The following ZZZ3 variants were observed in gnomAD, a reference collection of about 807,000 sequenced individuals.
The protein encoded by ZZZ3 is ZZ-type zinc finger-containing protein 3.
Under a neutral mutation model 95.2 loss-of-function variants are expected in ZZZ3, and 22 were observed. The ratio of observed to expected loss-of-function variants is 0.23; its 90% CI spans 0.17 to 0.33. The LOEUF (loss-of-function observed/expected upper bound fraction) is 0.33. Among genes scored for constraint, ZZZ3 ranks in the 10% least tolerant of loss-of-function variants. ZZZ3 has a pLI of 1.00. For missense variants in ZZZ3, 885 were observed against 1,066.5 expected, an observed-to-expected ratio of 0.83 and a Z score of 2.37; for synonymous variants, 335 against 358.9, an observed-to-expected ratio of 0.93 and a Z score of 0.75.
chr1:77,661,053 C>T (rs1173789114), intron 1 of ZZZ3, among the ~76,000 whole-genome samples: 1 of 140,064 alleles, frequency 7.1e-6, no homozygotes, highest in African/African-American at 2.8e-5. Context: ...ATTGCTTTAA[C>T]GCAAAAAAAA....
chr1:77,651,145 AG>A (rs1335190611), intron 1 of ZZZ3, among the ~76,000 whole-genome samples: 4 of 152,166 alleles, frequency 2.6e-5, no homozygotes, highest in African/African-American at 9.7e-5. Flanking sequence ...GCACTTTAGG[AG>A]GCTGAGGGAG....
rs753536637 is a variant in ZZZ3, at chr1:77,651,246, G to A, written c.-402-9591C>T. 1.3e-4 allele frequency among the ~76,000 whole-genome samples: 20 copies of A among 152,168 alleles called. 1 individual carries two copies. Among genetic ancestry groups the A allele is most frequent in the Middle Eastern group, 3.4e-3 (1 of 294 alleles). Reference sequence around the variant, plus strand: ...AAAAAATAAACAACATTAGTTGGGCGTAGTGGTGTGTGCCTGTGATCCCAG... The same window carrying A: ...AAAAAATAAACAACATTAGTTGGGCATAGTGGTGTGTGCCTGTGATCCCAG... On this transcript the variant is annotated intron_variant, in intron 1 of 14. Transcript: ENST00000370801.
intron 8 of ZZZ3, among the ~76,000 whole-genome samples, 196 bp downstream of exon 8, chr1:77,581,580 T>G (rs1404795793): frequency 6.6e-6 from 1 of 152,206 alleles, no homozygotes; most frequent in Non-Finnish European, 1.5e-5. Flanking sequence ...CTTAGAGACT[T>G]CAACGTAAAT....
At chr1:77,683,101 GCCGTCGC>G (rs1672958141), upstream of ZZZ3, among the ~76,000 whole-genome samples, 1 of 5,564 alleles carries the variant, frequency 1.8e-4, no homozygotes, top group African/African-American at 1.1e-3. Context: ...CGCCGTCGCA[GCCGTCGC>G]AGCCGTCGCA....
In ZZZ3 at chr1:77,671,270, C is replaced by T. The variant is rs543353349; in HGVS notation, c.-403+11315G>A. On this transcript the variant is annotated intron_variant, in intron 1 of 14. Transcript: ENST00000370801. ...CCTATTCCCAAATAAACATTATTTT[C>T]TTTTAGAAAGCCTGTTATTTAGGTA... Among the ~76,000 whole-genome samples, 43 of 152,210 alleles carry T rather than the reference C, an allele frequency of 2.8e-4. No homozygotes were observed. The Middle Eastern group carries it at 0.01, about 36-fold the overall frequency.
chr1:77,630,545 C>A (rs1016839730), intron 5 of ZZZ3, among the ~76,000 whole-genome samples: 2 of 152,016 alleles, frequency 1.3e-5, no homozygotes, highest in Non-Finnish European at 2.9e-5. Flanking sequence ...CAGAACTCAA[C>A]TTATTTCTAA....
intron 13 of ZZZ3, among the ~76,000 whole-genome samples, chr1:77,566,609 G>A (rs1021299807): frequency 2.6e-5 from 4 of 152,188 alleles, no homozygotes; most frequent in African/African-American, 9.7e-5. Context: ...TGCCACAGCT[G>A]CCTCCTGTAG....
chr1:77,631,869 C>T lies in ZZZ3; in HGVS notation c.1486G>A (p.Ala496Thr). The T allele has an allele frequency of 6.3e-7, 1 of 1,593,382 alleles. No individual in the cohort carries two copies. The change falls in exon 5 of 15, where the codon GCA (alanine) becomes ACA (threonine). Residue 496 changes from alanine (A) to threonine (T), a missense_variant. By Grantham distance (58) the Ala-to-Thr change is moderately conservative (BLOSUM62 0). Transcript: ENST00000370801. ...ACATACTCTTTGTTGTGTTTCAGTG[C>T]CACATGATCTGATTCAAAGTAATAA... ...DVYYFESDHV[A>T]LKHNKDYQRL...
At chr1:77,628,959 T>C (rs1667552642) in intron 5 of ZZZ3, among the ~76,000 whole-genome samples, 1 of 152,216 alleles carries the variant, frequency 6.6e-6, no homozygotes, top group Non-Finnish European at 1.5e-5. Context: ...CATATGTGTG[T>C]ACAGGAGGAG....
intron 5 of ZZZ3, among the ~76,000 whole-genome samples, chr1:77,611,876 G>C (rs1474894048): frequency 6.6e-6 from 1 of 151,890 alleles, no homozygotes; most frequent in African/African-American, 2.4e-5. Context: ...CCATAAACTA[G>C]AAGAGAACAT....
chr1:77,659,456 G>A (rs1484277345), intron 1 of ZZZ3, among the ~76,000 whole-genome samples: 12 of 151,930 alleles, frequency 7.9e-5, no homozygotes. Context: ...CTGAGGTCAG[G>A]AGCTCGAGAC....
At chr1:77,578,714 A>G in intron 11 of ZZZ3, 60 bp downstream of exon 11, 1 of 964,068 alleles carries the variant, frequency 1.0e-6, no homozygotes, top group Non-Finnish European at 1.5e-6. Context: ...AGATTTTTAC[A>G]TAGCAATTCT....
intron 5 of ZZZ3, among the ~76,000 whole-genome samples, chr1:77,590,490 G>A (rs886733618): frequency 6.6e-6 from 1 of 152,222 alleles, no homozygotes; most frequent in African/African-American, 2.4e-5. Context: ...TAGCTATAAT[G>A]ACAAAGAGGA....
At chr1:77,677,078 C>T (rs1039786414) in intron 1 of ZZZ3, 1 of 152,054 alleles carries the variant, frequency 6.6e-6, no homozygotes, top group Non-Finnish European at 1.5e-5. Context: ...CGTGGCTCAC[C>T]CCTGTAATCC....
intron 1 of ZZZ3, among the ~76,000 whole-genome samples, chr1:77,652,000 G>T (rs575452931): frequency 7.2e-6 from 1 of 139,630 alleles, no homozygotes; most frequent in African/African-American, 2.7e-5. Flanking sequence ...TGGGCGACAA[G>T]AGCAAAACTC....
chr1:77,657,232 T>G (rs1218817701), intron 1 of ZZZ3, among the ~76,000 whole-genome samples: 1 of 152,188 alleles, frequency 6.6e-6, no homozygotes, highest in African/African-American at 2.4e-5. Context: ...TCCACCCACC[T>G]CGGCCTCCCA....
chr1:77,568,843 T>C (rs1266420524), intron 12 of ZZZ3, among the ~76,000 whole-genome samples: 1 of 152,170 alleles, frequency 6.6e-6, no homozygotes, highest in Admixed American at 6.5e-5. Context: ...TCTTCTCCAA[T>C]CTAACAGATT....
At chr1:77,603,470 G>T (rs1008357345) in intron 5 of ZZZ3, among the ~76,000 whole-genome samples, 3 of 152,152 alleles carry the variant, frequency 2.0e-5, no homozygotes, top group Non-Finnish European at 2.9e-5. Context: ...AGTGAAGATT[G>T]TATTTCTCTT....
intron 5 of ZZZ3, among the ~76,000 whole-genome samples, chr1:77,596,127 C>A (rs1196084568): frequency 6.6e-6 from 1 of 152,034 alleles, no homozygotes; most frequent in African/African-American, 2.4e-5. Flanking sequence ...TATTGAATGA[C>A]TGACCATCAA....
Sources: gnomAD v4.1 joint callset for allele counts (sites outside exome capture counted in the v4.1 genomes callset) on GRCh38, gnomAD v4.1.1 for gene constraint, MANE v1.5 for transcripts, NCBI Gene and HGNC (gene_info 2026-07-23, HGNC 2026-07-21) for gene names.